Variants in STIM2 observed in about 807,000 individuals in gnomAD.
STIM2 encodes stromal interaction molecule 2.
STIM2 carries 31 observed loss-of-function variants against 85.8 expected under a neutral mutation model. The ratio of observed to expected loss-of-function variants is 0.36; its 90% CI spans 0.27 to 0.49. The LOEUF (loss-of-function observed/expected upper bound fraction) is 0.49, where lower values mean the gene tolerates loss of function less well. Ranked by LOEUF, STIM2 falls within the 20% of genes least tolerant of loss-of-function variation. The pLI is 0.98. For synonymous variants in STIM2, 356 were observed against 331.1 expected (o/e 1.08, Z -0.82); for missense variants, 841 against 927.6 (o/e 0.91, Z 1.21).
Position 26,919,570 on chromosome 4 carries a change from A to G in STIM2, c.218A>G (p.Gln73Arg). ...GACAGATTTAGTCTGGAAGCTCTTCAAACAATACATAAACAAATGGATGAT... is the reference window on the plus strand; with the variant it reads ...GACAGATTTAGTCTGGAAGCTCTTCGAACAATACATAAACAAATGGATGAT... The change falls in exon 2 of 12, where the codon CAA becomes CGA. Residue 73 changes from glutamine to arginine, a missense_variant. Coordinates refer to ENST00000467087, the MANE Select transcript of STIM2 (RefSeq NM_020860.4). 6.2e-7 allele frequency: 1 copy of G among 1,613,718 alleles called. No individual in the cohort carries two copies. Among genetic ancestry groups the G allele is most frequent in the Non-Finnish European group, 8.5e-7 (1 of 1,179,746 alleles).
intron 1 of STIM2, among the ~76,000 whole-genome samples, chr4:26,862,744 A>G (rs998428586): frequency 6.6e-6 from 1 of 152,224 alleles, no homozygotes; most frequent in African/African-American, 2.4e-5. Context: ...TTAGGAGCAT[A>G]GTACAGTTTG....
At chr4:26,975,843 T>C (rs1031150087) in intron 3 of STIM2, among the ~76,000 whole-genome samples, 1 of 152,236 alleles carries the variant, frequency 6.6e-6, no homozygotes, top group African/African-American at 2.4e-5. Flanking sequence ...TGTTCAGCTA[T>C]GCCCTGCCCA....
chr4:26,872,652 C>T lies in STIM2; in HGVS notation c.151+11283C>T, dbSNP rs138478738. On this transcript the variant is annotated intron_variant, in intron 1 of 11. Coordinates refer to ENST00000467087, the MANE Select transcript of STIM2 (RefSeq NM_020860.4). ...ATTTGAATGCCAAGTATATTACAAG[C>T]ATATGATAAGTATTGGGGACACAAA... 9.8e-3 allele frequency among the ~76,000 whole-genome samples: 1,488 copies of T among 152,200 alleles called. 17 individuals are homozygous for T. The highest frequency in any genetic ancestry group is 0.037 in the Middle Eastern group (11 of 294).
chr4:26,932,132 G>A (rs966550169), intron 2 of STIM2, among the ~76,000 whole-genome samples: 1 of 152,134 alleles, frequency 6.6e-6, no homozygotes, highest in Admixed American at 6.5e-5. Context: ...AAACAGTTTG[G>A]TGGATTAGGC....
chr4:26,899,193 CAT>C (rs1723828651), intron 1 of STIM2, among the ~76,000 whole-genome samples: 2 of 152,016 alleles, frequency 1.3e-5, no homozygotes, highest in Admixed American at 1.3e-4. Flanking sequence ...CCCATGATTA[CAT>C]GAGTTTTCTA....
At chr4:26,949,453 T>C (rs1488750711) in intron 2 of STIM2, among the ~76,000 whole-genome samples, 1 of 152,194 alleles carries the variant, frequency 6.6e-6, no homozygotes, top group African/African-American at 2.4e-5. Context: ...TCATTAAAAT[T>C]ATAAGTACTA....
intron 3 of STIM2, among the ~76,000 whole-genome samples, chr4:26,992,614 T>C (rs933945366): frequency 1.3e-5 from 2 of 152,122 alleles, no homozygotes; most frequent in African/African-American, 2.4e-5. Context: ...TATGAAGGTT[T>C]AATGAAACAA....
At position 26,917,848 on chromosome 4, in the gene STIM2, A is replaced by C. The variant is rs553560823; in HGVS notation, c.152-1656A>C. Among the ~76,000 whole-genome samples, 43 of 152,286 alleles carry C rather than the reference A, an allele frequency of 2.8e-4. 1 individual carries two copies. In the South Asian group the frequency reaches 8.9e-3, roughly 32 times the overall value. ...CGTATTATATACAGATCTTTACACT[A>C]TATGTTGTTTTGGTACCTGAGCTCT... is the stretch of plus-strand genomic sequence containing the variant. On this transcript the variant is annotated intron_variant, in intron 1 of 11. Coordinates refer to ENST00000467087, the MANE Select transcript of STIM2 (RefSeq NM_020860.4).
intron 2 of STIM2, among the ~76,000 whole-genome samples, chr4:26,953,566 C>T (rs939242673): frequency 3.3e-5 from 5 of 151,862 alleles, no homozygotes; most frequent in African/African-American, 9.7e-5. Flanking sequence ...TGAGTATTGA[C>T]GTCTTAAAAT....
intron 3 of STIM2, 41 bp downstream of exon 3, chr4:26,957,767 C>T: frequency 8.0e-7 from 1 of 1,249,088 alleles, no homozygotes; most frequent in Non-Finnish European, 1.1e-6. Flanking sequence ...CCCTTCTGCA[C>T]ATCTAGCCTG....
intron 3 of STIM2, among the ~76,000 whole-genome samples, chr4:26,983,934 C>T (rs1727490478): frequency 6.6e-6 from 1 of 152,136 alleles, no homozygotes; most frequent in Non-Finnish European, 1.5e-5. Context: ...TTTGAAGAAA[C>T]TTTCAAATTC....
chr4:26,913,302 A>ATGTATAGTAACTATACATAGTAATAT (rs1724411284), intron 1 of STIM2, among the ~76,000 whole-genome samples: 4 of 151,886 alleles, frequency 2.6e-5, no homozygotes, highest in Non-Finnish European at 5.9e-5. Flanking sequence ...GTATTATACT[A>ATGTATAGTAACTATACATAGTAATAT]TGTATAGTAA....
intron 3 of STIM2, among the ~76,000 whole-genome samples, chr4:26,977,985 AATAAG>A (rs895483775): frequency 4.6e-5 from 7 of 152,222 alleles, no homozygotes; most frequent in African/African-American, 1.7e-4. Context: ...CAGAAATCTG[AATAAG>A]ATGACAACAC....
intron 1 of STIM2, among the ~76,000 whole-genome samples, chr4:26,916,575 C>T (rs1352686557): frequency 1.1e-4 from 16 of 152,176 alleles, no homozygotes; most frequent in Admixed American, 1.0e-3. Flanking sequence ...CCATTAATAG[C>T]TTCTCAGTGT....
chr4:26,910,109 T>G (rs1724279455), intron 1 of STIM2, among the ~76,000 whole-genome samples: 1 of 152,232 alleles, frequency 6.6e-6, no homozygotes, highest in African/African-American at 2.4e-5. Flanking sequence ...TGCATGCACC[T>G]GTTAACTTTC....
intron 1 of STIM2, among the ~76,000 whole-genome samples, chr4:26,869,449 T>C (rs1722531554): frequency 6.6e-6 from 1 of 152,104 alleles, no homozygotes; most frequent in Non-Finnish European, 1.5e-5. Flanking sequence ...TAAACATTAT[T>C]TAGTGACTGT....
At chr4:27,021,723 G>T (rs1442903190) in intron 11 of STIM2, 1 of 432,064 alleles carries the variant, frequency 2.3e-6, no homozygotes, top group Non-Finnish European at 4.7e-6. Context: ...CAATTAGGAA[G>T]CCGTTGCAAT....
intron 3 of STIM2, among the ~76,000 whole-genome samples, chr4:26,960,218 CT>C (rs1183751373): frequency 3.9e-5 from 6 of 152,152 alleles, no homozygotes; most frequent in African/African-American, 4.8e-5. Flanking sequence ...AAAAGTAGTT[CT>C]TCTGAAAAAG....
At chr4:26,932,163 C>G (rs1032169741) in intron 2 of STIM2, among the ~76,000 whole-genome samples, 5 of 152,150 alleles carry the variant, frequency 3.3e-5, no homozygotes, top group African/African-American at 1.2e-4. Flanking sequence ...TAGTTACAAG[C>G]TTGTAAATGA....
Sources: allele counts gnomAD v4.1 joint callset (sites outside exome capture counted in the v4.1 genomes callset), GRCh38; gene constraint gnomAD v4.1.1; transcripts MANE v1.5; gene names NCBI Gene and HGNC (gene_info 2026-07-23, HGNC 2026-07-21).